Variants in PACSIN2 observed in about 807,000 individuals in gnomAD.
PACSIN2 encodes the protein protein kinase C and casein kinase substrate in neurons protein 2.
A neutral mutation model predicts 63.8 loss-of-function variants in PACSIN2; 25 were observed. That is an observed-to-expected ratio of 0.39 (90% confidence interval 0.29 to 0.55). PACSIN2 has a LOEUF of 0.55. PACSIN2 is among the 20% of genes least tolerant of loss of function. PACSIN2 has a pLI of 0.62. For missense variants in PACSIN2, 518 were observed against 646.9 expected (o/e 0.80, Z 2.16); for synonymous variants, 255 against 256.2 (o/e 1.00, Z 0.05).
intron 2 of PACSIN2, among the ~76,000 whole-genome samples, chr22:42,903,876 C>G (rs1247985951): frequency 1.3e-5 from 2 of 152,122 alleles, no homozygotes; most frequent in Non-Finnish European, 2.9e-5. Flanking sequence ...CTGGCCGTAT[C>G]CTCTGTTCCT....
At chr22:42,934,955 G>A (rs527718222) in intron 1 of PACSIN2, among the ~76,000 whole-genome samples, 15 of 149,520 alleles carry the variant, frequency 1.0e-4, no homozygotes, top group African/African-American at 3.2e-4. Flanking sequence ...TCGCTTTATC[G>A]CCCAGGCTGG....
intron 1 of PACSIN2, among the ~76,000 whole-genome samples, chr22:42,974,213 G>C (rs1400132889): frequency 1.3e-5 from 2 of 152,196 alleles, no homozygotes; most frequent in East Asian, 3.8e-4. Context: ...AGTGTACCAT[G>C]ACTAGGTACA....
intron 1 of PACSIN2, among the ~76,000 whole-genome samples, chr22:42,932,486 C>T (rs1932801109): frequency 6.6e-6 from 1 of 152,222 alleles, no homozygotes; most frequent in African/African-American, 2.4e-5. Context: ...TCCTTTCTAA[C>T]ATTTGTTGAA....
At chr22:42,985,232 C>G (rs1922521751) in intron 1 of PACSIN2, among the ~76,000 whole-genome samples, 1 of 152,356 alleles carries the variant, frequency 6.6e-6, no homozygotes, top group South Asian at 2.1e-4. Flanking sequence ...GGGGCTGAGG[C>G]AGAAGAACTG....
At position 42,906,703 on chromosome 22, in the gene PACSIN2, G is replaced by A. The variant is rs77830722; in HGVS notation, c.60+5318C>T. On this transcript the variant is annotated intron_variant, in intron 2 of 10. Transcript: ENST00000263246. ...AGGTATACAGTGCTCTGAAGAGCAG[G>A]CTGCAGCAGCCTGTTCAGAAATCCC... 5.2e-3 allele frequency among the ~76,000 whole-genome samples: 796 copies of A among 152,264 alleles called. 4 individuals carry two copies. The highest frequency in any genetic ancestry group is 0.018 in the African/African-American group (759 of 41,548).
chr22:42,980,612 G>A (rs1366513732), intron 1 of PACSIN2, among the ~76,000 whole-genome samples: 2 of 132,322 alleles, frequency 1.5e-5, no homozygotes, highest in South Asian at 2.8e-4. Context: ...TCAGCCTGCC[G>A]AGTGCCTGCG....
At chr22:42,939,314 T>C (rs1933044406) in intron 1 of PACSIN2, among the ~76,000 whole-genome samples, 1 of 152,154 alleles carries the variant, frequency 6.6e-6, no homozygotes, top group African/African-American at 2.4e-5. Context: ...TTCCCCAACC[T>C]AAATACTCAG....
rs948209361 is a variant in PACSIN2, at chr22:42,870,744, C to A, written c.*613G>T. ...ATAGAAACCCGACCATAACCCGGTC[C>A]CACCTTCCTGGCATAATTCCTTTCC... On this transcript the variant is annotated 3_prime_UTR_variant, in exon 11 of 11. Transcript: ENST00000263246. The A allele has an allele frequency of 6.6e-6, 1 of 152,326 alleles. No individual in the cohort carries two copies. The highest frequency in any genetic ancestry group is 1.5e-5 in the Non-Finnish European group (1 of 68,180). The allele number at this position is 152,326 out of a possible 1,614,324, so 9.4% of individuals were successfully genotyped here. A position where few individuals can be genotyped will look rare whatever the true frequency, so the allele number is the denominator to read the frequency against.
At chr22:43,013,202 G>T (rs1013729313) in intron 1 of PACSIN2, among the ~76,000 whole-genome samples, 1 of 152,248 alleles carries the variant, frequency 6.6e-6, no homozygotes, top group South Asian at 2.1e-4. Context: ...ATTCAAATGA[G>T]TTGTTATTCT....
At chr22:42,964,979 T>G (rs1920940934) in intron 1 of PACSIN2, among the ~76,000 whole-genome samples, 1 of 152,196 alleles carries the variant, frequency 6.6e-6, no homozygotes, top group South Asian at 2.1e-4. Context: ...CATATGCTGC[T>G]GAAAGATGGG....
chr22:42,959,157 AGCGGTG>A (rs924760018), intron 1 of PACSIN2, among the ~76,000 whole-genome samples: 1 of 152,174 alleles, frequency 6.6e-6, no homozygotes, highest in African/African-American at 2.4e-5. Context: ...GGGGTCCTGG[AGCGGTG>A]GCAGGTGATC....
At chr22:42,872,257 G>T (rs1928210559) in intron 10 of PACSIN2, among the ~76,000 whole-genome samples, 1 of 152,226 alleles carries the variant, frequency 6.6e-6, no homozygotes, top group African/African-American at 2.4e-5. Context: ...TAGGGCCCCA[G>T]GTCTGGCATT....
At chr22:42,966,844 A>T (rs1920963738) in intron 1 of PACSIN2, among the ~76,000 whole-genome samples, 1 of 152,210 alleles carries the variant, frequency 6.6e-6, no homozygotes, top group African/African-American at 2.4e-5. Flanking sequence ...AAGGAATGTG[A>T]GCAAGGTTCC....
intron 8 of PACSIN2, 124 bp downstream of exon 8, chr22:42,878,924 C>T (rs1928853400): frequency 8.7e-7 from 1 of 1,155,616 alleles, no homozygotes; most frequent in Non-Finnish European, 1.2e-6. Flanking sequence ...GGGCCACGGC[C>T]CACAGAGCTC....
chr22:42,997,344 G>T (rs1161845081), intron 1 of PACSIN2, among the ~76,000 whole-genome samples: 1 of 152,180 alleles, frequency 6.6e-6, no homozygotes, highest in Admixed American at 6.5e-5. Flanking sequence ...AGATCACAAG[G>T]TCAGGAGATT....
chr22:42,928,966 C>T (rs1194953548), intron 1 of PACSIN2, among the ~76,000 whole-genome samples: 3 of 152,202 alleles, frequency 2.0e-5, no homozygotes, highest in Admixed American at 6.5e-5. Flanking sequence ...ATTCAACAAG[C>T]TCTTAGAGTT....
At chr22:42,982,878 A>AAAAAACAAAAAAC (rs1569350235) in intron 1 of PACSIN2, among the ~76,000 whole-genome samples, 15 of 132,414 alleles carry the variant, frequency 1.1e-4, no homozygotes, top group African/African-American at 4.3e-4. Context: ...ATAAAAAAAA[A>AAAAAACAAAAAAC]AAAAAAAAAA....
At chr22:42,945,096 CAAAA>C (rs11340938) in intron 1 of PACSIN2, among the ~76,000 whole-genome samples, 2 of 137,708 alleles carry the variant, frequency 1.5e-5, no homozygotes, top group Admixed American at 7.2e-5. Context: ...AGACTCGTCT[CAAAA>C]AAAAAAAAAA....
chr22:42,912,299 G>A, intron 1 of PACSIN2, 142 bp from the exon 2 acceptor site: 1 of 519,428 alleles, frequency 1.9e-6, no homozygotes, highest in Non-Finnish European at 3.3e-6. Flanking sequence ...GTGGCAGAAA[G>A]CCAGTAGACT....
Sources: allele counts gnomAD v4.1 joint callset (sites outside exome capture counted in the v4.1 genomes callset), GRCh38; gene constraint gnomAD v4.1.1; transcripts MANE v1.5; gene names NCBI Gene and HGNC (gene_info 2026-07-23, HGNC 2026-07-21).